Variants in FBN2 observed in about 807,000 individuals in gnomAD.
The protein encoded by FBN2 is fibrillin-2.
In FBN2, 105 loss-of-function variants were observed where a neutral mutation model predicts 355.6. The observed-to-expected ratio is 0.30, with a 90% confidence interval of 0.25 to 0.35. FBN2 has a LOEUF of 0.35. Among genes scored for constraint, FBN2 ranks in the 10% least tolerant of loss-of-function variants. The pLI is 1.00. For missense variants in FBN2, 3,280 were observed against 3,758.7 expected (o/e 0.87, Z 3.33); for synonymous variants, 1,350 against 1,301.2 (o/e 1.04, Z -0.81).
chr5:128,456,023 A>AAAAAG (rs1554070903), intron 6 of FBN2, among the ~76,000 whole-genome samples: 1 of 145,782 alleles, frequency 6.9e-6, no homozygotes, highest in African/African-American at 2.5e-5. Context: ...AAAAAAAAAA[A>AAAAAG]GCAACTGCTG....
intron 7 of FBN2, among the ~76,000 whole-genome samples, chr5:128,417,058 G>C (rs186901516): frequency 6.6e-6 from 1 of 152,214 alleles, no homozygotes; most frequent in East Asian, 1.9e-4. Context: ...CCTTATGGAA[G>C]AATTCACTTC....
chr5:128,340,276 C>T (rs1361044320), intron 25 of FBN2, among the ~76,000 whole-genome samples: 2 of 152,094 alleles, frequency 1.3e-5, no homozygotes, highest in African/African-American at 2.4e-5. Context: ...GGATTTAGTG[C>T]ATAATTTGTG....
At chr5:128,489,605 A>T (rs1270531998) in intron 5 of FBN2, among the ~76,000 whole-genome samples, 2 of 152,200 alleles carry the variant, frequency 1.3e-5, no homozygotes, top group Non-Finnish European at 2.9e-5. Context: ...AGGAATTATG[A>T]TTATTTGTAA....
At chr5:128,272,175 T>A in intron 61 of FBN2, 57 bp from the exon 62 acceptor site, 1 of 1,609,434 alleles carries the variant, frequency 6.2e-7, no homozygotes, top group Non-Finnish European at 8.5e-7. Context: ...TATTTTTAAA[T>A]GCACTCCAAA....
chr5:128,501,795 A>G, intron 5 of FBN2, among the ~76,000 whole-genome samples: 1 of 152,178 alleles, frequency 6.6e-6, no homozygotes, highest in Non-Finnish European at 1.5e-5. Flanking sequence ...CAAAAACAAC[A>G]GAACAGACAC....
chr5:128,328,589 T>C, intron 34 of FBN2, 107 bp downstream of exon 34: 1 of 1,130,490 alleles, frequency 8.8e-7, no homozygotes, highest in Non-Finnish European at 1.3e-6. Context: ...TAGTGCAGCA[T>C]GTGCTATGTA....
chr5:128,332,232 C>T (rs1311142000), intron 32 of FBN2, among the ~76,000 whole-genome samples: 1 of 152,032 alleles, frequency 6.6e-6, no homozygotes, highest in Admixed American at 6.6e-5. Flanking sequence ...AGCTTGCTTT[C>T]TTTTCTGTTT....
Position 128,378,809 on chromosome 5 carries a change from G to T in FBN2, c.1685C>A (p.Ala562Asp), listed in dbSNP as rs886059902. 1 of 1,613,174 alleles carries T rather than the reference G, an allele frequency of 6.2e-7. No individual in the cohort carries two copies. Among genetic ancestry groups the T allele is most frequent in the Admixed American group, 1.7e-5 (1 of 59,926 alleles). The change falls in exon 12 of 65, where the codon GCT becomes GAT. Residue 562 changes from alanine to aspartate, a missense_variant. By Grantham distance (126) the Ala-to-Asp change is moderately radical. Coordinates refer to ENST00000262464, the MANE Select transcript of FBN2 (RefSeq NM_001999.4). ...TPGSYYCKCH[A>D]GFQRTPTKQA... is the part of the protein sequence containing the mutation. ...CTTGGTAGGAGTCCTCTGGAATCCA[G>T]CATGACATTTACAATAATAGGAACC...
intron 6 of FBN2, among the ~76,000 whole-genome samples, chr5:128,455,688 G>C (rs1754362265): frequency 6.6e-6 from 1 of 151,936 alleles, no homozygotes; most frequent in African/African-American, 2.4e-5. Flanking sequence ...CGGCCCACTT[G>C]AGAGCCACAC....
At chr5:128,327,394 C>T (rs1044213171) in intron 34 of FBN2, among the ~76,000 whole-genome samples, 5 of 151,856 alleles carry the variant, frequency 3.3e-5, no homozygotes, top group African/African-American at 4.8e-5. Context: ...TCTGAACCAC[C>T]GCAGGTTGTA....
chr5:128,376,766 C>T lies in FBN2; in HGVS notation c.1937G>A (p.Gly646Glu). The T allele has an allele frequency of 6.2e-7, 1 of 1,613,758 alleles. No homozygotes were observed. The highest frequency in any genetic ancestry group is 8.5e-7 in the Non-Finnish European group (1 of 1,179,744). ...DGSFKCICKP[G>E]FVLAPNGRYC... Reference sequence around the variant, plus strand: ...ACGCCCATTTGGAGCCAAGACAAATCCTGGTTTGCAGATGCACTTGAAGCT... The same window carrying T: ...ACGCCCATTTGGAGCCAAGACAAATTCTGGTTTGCAGATGCACTTGAAGCT... Residue 646 changes from glycine to glutamate, a missense_variant, in exon 14 of 65, where the codon GGA (glycine) becomes GAA (glutamate). By Grantham distance (98) the Gly-to-Glu change is moderately conservative (BLOSUM62 -2). Coordinates refer to ENST00000262464, the MANE Select transcript of FBN2 (RefSeq NM_001999.4).
intron 5 of FBN2, among the ~76,000 whole-genome samples, chr5:128,511,546 C>T (rs1217028196): frequency 6.6e-6 from 1 of 152,182 alleles, no homozygotes; most frequent in East Asian, 1.9e-4. Flanking sequence ...GATGCGTCTT[C>T]CATTATGCTG....
Position 128,345,365 on chromosome 5 carries a change from A to T in FBN2, c.3209T>A (p.Phe1070Tyr), listed in dbSNP as rs139118782. ...TGGCCGCAGGCAGTTACCTTTGTAA[A>T]ATGGCCGCCCAGTAAGAACATCCCC... ...NRGDVLTGRPFYKDINECKAF... is the reference protein window; with the variant it reads ...NRGDVLTGRPYYKDINECKAF... The change falls in exon 24 of 65, where the codon TTT (phenylalanine) becomes TAT (tyrosine). Residue 1070 changes from phenylalanine to tyrosine, a missense_variant. Phe to Tyr is a conservative substitution (Grantham distance 22). This residue lies in a region of FBN2 where 2,284 missense variants were observed against 2,749.5 expected (regional missense o/e 0.83). Coordinates refer to ENST00000262464, the MANE Select transcript of FBN2 (RefSeq NM_001999.4). 6.2e-7 allele frequency: 1 copy of T among 1,613,988 alleles called. No homozygotes were observed. Among genetic ancestry groups the T allele is most frequent in the African/African-American group, 1.3e-5 (1 of 74,938 alleles).
At chr5:128,312,495 TG>T in intron 37 of FBN2, 138 bp downstream of exon 37, 1 of 824,988 alleles carries the variant, frequency 1.2e-6, no homozygotes, top group Non-Finnish European at 2.0e-6. Flanking sequence ...GGTTTCAGAG[TG>T]ATCACTGAAA....
At chr5:128,503,949 C>T (rs1165265302) in intron 5 of FBN2, among the ~76,000 whole-genome samples, 1 of 152,106 alleles carries the variant, frequency 6.6e-6, no homozygotes, top group Non-Finnish European at 1.5e-5. Flanking sequence ...CCAGGCCCCC[C>T]ACACTCAAAC....
intron 62 of FBN2, among the ~76,000 whole-genome samples, chr5:128,271,371 T>C (rs1332677485): frequency 6.6e-6 from 1 of 152,158 alleles, no homozygotes; most frequent in East Asian, 1.9e-4. Context: ...CACCTGGCTA[T>C]CCAAGTAGAG....
At chr5:128,445,670 C>T (rs1754044726) in intron 7 of FBN2, among the ~76,000 whole-genome samples, 1 of 152,030 alleles carries the variant, frequency 6.6e-6, no homozygotes, top group African/African-American at 2.4e-5. Context: ...TAGAAAACTG[C>T]CTTAGATGAA....
At position 128,259,792 on chromosome 5, in the gene FBN2, C is replaced by T. The variant is rs1385546880; in HGVS notation, c.8402G>A (p.Ser2801Asn). The T allele has an allele frequency of 6.2e-7, 1 of 1,613,608 alleles. No individual in the cohort carries two copies. Residue 2801 changes from serine to asparagine, a missense_variant, in exon 65 of 65, where the codon AGC becomes AAC. Physicochemically the swap from Ser to Asn is conservative, Grantham distance 46 (BLOSUM62 1). Around this residue, in one of 6 missense-constraint regions of FBN2, gnomAD observed 311 missense variants for 319.1 expected, o/e 0.97. Transcript: ENST00000262464. ...QISLESVDMDSPVNMKFNLSH... is the reference protein window; with the variant it reads ...QISLESVDMDNPVNMKFNLSH... ...GAGGTTGAACTTCATGTTGACGGGG[C>T]TGTCCATGTCGACACTCTCTAGGCT...
intron 18 of FBN2, among the ~76,000 whole-genome samples, chr5:128,363,484 C>G (rs1362225236): frequency 6.6e-6 from 1 of 152,166 alleles, no homozygotes; most frequent in Non-Finnish European, 1.5e-5. Context: ...GCCACTGCAT[C>G]CAGCTTGCAT....
Sources: gnomAD v4.1 joint callset for allele counts (sites outside exome capture counted in the v4.1 genomes callset) on GRCh38, gnomAD v4.1.1 for gene constraint, gnomAD v4.1.1 regional missense constraint, MANE v1.5 for transcripts, NCBI Gene and HGNC (gene_info 2026-07-23, HGNC 2026-07-21) for gene names.